The following SRSF7 variants were observed in gnomAD, a reference collection of about 807,000 sequenced individuals.
SRSF7 encodes the protein serine and arginine rich splicing factor 7, also known as serine/arginine-rich splicing factor 7.
Under a neutral mutation model 42.2 loss-of-function variants are expected in SRSF7, and 15 were observed. The observed-to-expected ratio is 0.36, with a 90% CI of 0.24 to 0.55. The LOEUF (loss-of-function observed/expected upper bound fraction) is 0.55. Among genes scored for constraint, SRSF7 ranks in the 20% least tolerant of loss-of-function variants. The pLI, the probability that SRSF7 is intolerant of heterozygous loss-of-function variation, is 0.88. For synonymous variants in SRSF7, 138 were observed against 107.9 expected (o/e 1.28, Z -1.73); for missense variants, 181 against 305.9 (o/e 0.59, Z 3.04).
chr2:38,747,665 G>GT (rs1383886110), intron 5 of SRSF7, among the ~76,000 whole-genome samples: 1 of 152,048 alleles, frequency 6.6e-6, no homozygotes, highest in Non-Finnish European at 1.5e-5. Flanking sequence ...AATGAGAAAT[G>GT]TTTCTACTTG....
At chr2:38,745,219 T>G (rs1667187215) in intron 7 of SRSF7, 32 bp from the exon 8 acceptor site, 1 of 1,611,430 alleles carries the variant, frequency 6.2e-7, no homozygotes, top group South Asian at 1.1e-5. Context: ...TTGGATCCAA[T>G]TAGTGTCAAT....
intron 3 of SRSF7, 121 bp from the exon 4 acceptor site, chr2:38,748,774 A>T: frequency 2.4e-6 from 3 of 1,271,568 alleles, no homozygotes; most frequent in Non-Finnish European, 1.1e-6. Context: ...TTTGGAAATA[A>T]ACTCTGGGCC....
intron 6 of SRSF7, among the ~76,000 whole-genome samples, 158 bp downstream of exon 6, chr2:38,746,536 G>C (rs1262322300): frequency 3.3e-5 from 5 of 152,190 alleles, no homozygotes; most frequent in Non-Finnish European, 5.9e-5. Flanking sequence ...GGGAAAGTCA[G>C]CCAGTAATAA....
At chr2:38,746,577 C>T in intron 6 of SRSF7, 117 bp downstream of exon 6, 1 of 1,451,130 alleles carries the variant, frequency 6.9e-7, no homozygotes, top group Non-Finnish European at 9.4e-7. Flanking sequence ...GTACTGTGTT[C>T]CCACTAAAAC....
upstream of SRSF7, chr2:38,751,399 C>T (rs1054343250): frequency 1.8e-6 from 2 of 1,113,108 alleles, no homozygotes; most frequent in Non-Finnish European, 2.6e-6. Context: ...TATGCGGCCG[C>T]TGCGCTTTGC....
At chr2:38,747,003 T>C in intron 5 of SRSF7, 1 of 653,212 alleles carries the variant, frequency 1.5e-6, no homozygotes. Flanking sequence ...CTGTGTAATA[T>C]CCAAGGGAAA....
intron 5 of SRSF7, among the ~76,000 whole-genome samples, chr2:38,747,749 T>G (rs1329680512): frequency 5.3e-5 from 8 of 152,186 alleles, no homozygotes; most frequent in Admixed American, 5.2e-4. Context: ...AGAGCTAGTA[T>G]CATCCAATCT....
Position 38,745,179 on chromosome 2 carries a change from G to A in SRSF7, c.671C>T (p.Pro224Leu). 6.2e-7 allele frequency: 1 copy of A among 1,614,080 alleles called. No homozygotes were observed. Among genetic ancestry groups the A allele is most frequent in the Non-Finnish European group, 8.5e-7 (1 of 1,179,974 alleles). Reference protein sequence around the residue: ...RSPSPKRSRSPSGSPRRSASP... With the variant: ...RSPSPKRSRSLSGSPRRSASP... The stretch of plus-strand genomic sequence containing the variant: ...TGCACTTCTGCGAGGACTTCCTGAT[G>A]GGGAACGACTAAAAAGAAAAACATT... Residue 224 changes from proline (P) to leucine (L), a missense_variant, in exon 8 of 8, where the codon CCA becomes CTA. Physicochemically the swap from Pro to Leu is moderately conservative, Grantham distance 98. This residue lies in a region of SRSF7 where 136 missense variants were observed against 147.8 expected (regional missense o/e 0.92). Transcript: ENST00000313117.
At chr2:38,747,492 C>T (rs982961919) in intron 5 of SRSF7, among the ~76,000 whole-genome samples, 1 of 151,570 alleles carries the variant, frequency 6.6e-6, no homozygotes, top group African/African-American at 2.4e-5. Flanking sequence ...CAATTTTTTC[C>T]ATTCTATCTC....
At chr2:38,749,163 A>T in intron 3 of SRSF7, 3 of 1,322,614 alleles carry the variant, frequency 2.3e-6, no homozygotes, top group Non-Finnish European at 3.0e-6. Context: ...CACCGTCTCA[A>T]ATTTTCTGCC....
chr2:38,746,967 C>T (rs982835658), intron 5 of SRSF7: 68 of 725,028 alleles, frequency 9.4e-5, no homozygotes, highest in Non-Finnish European at 1.6e-4. Flanking sequence ...TGGTTAGTTT[C>T]TGTACAGGTA....
At position 38,746,020 on chromosome 2, in the gene SRSF7, T is replaced by C. The variant is rs939239096; in HGVS notation, c.662+124A>G. On this transcript the variant is annotated intron_variant, in intron 7 of 7. Transcript: ENST00000313117. ...AAAAAAGTATTTCAGAAACTTAGCA[T>C]AGTATTTTAATCTATATAGCACCAA... The C allele has an allele frequency of 2.2e-5, 19 of 875,432 alleles. No homozygotes were observed. In the African/African-American group the frequency reaches 2.2e-4, roughly 10 times the overall value. The allele number at this position is 875,432 out of a possible 1,614,324, so 54.2% of individuals were successfully genotyped here. A position where few individuals can be genotyped will look rare whatever the true frequency, so the allele number is the denominator to read the frequency against.
intron 3 of SRSF7, 197 bp downstream of exon 3, chr2:38,749,332 C>T (rs1187872329): frequency 2.0e-6 from 3 of 1,524,402 alleles, no homozygotes; most frequent in Non-Finnish European, 2.7e-6. Context: ...AGGCGACTGA[C>T]TCAAACGAAG....
At chr2:38,749,815 C>T (rs537338273) in intron 2 of SRSF7, 110 bp from the exon 3 acceptor site, 82 of 1,332,824 alleles carry the variant, frequency 6.2e-5, no homozygotes, top group South Asian at 3.6e-4. Flanking sequence ...TCCTTCCCCC[C>T]CAACAAACTT....
intron 3 of SRSF7, chr2:38,748,880 T>C: frequency 1.4e-6 from 2 of 1,382,344 alleles, no homozygotes; most frequent in Non-Finnish European, 9.4e-7. Flanking sequence ...AACACTGTAA[T>C]GTGTATTTAA....
chr2:38,747,158 C>T (rs1667564889), intron 5 of SRSF7: 1 of 465,648 alleles, frequency 2.1e-6, no homozygotes, highest in South Asian at 1.6e-5. Flanking sequence ...TAACCAGACC[C>T]CTGAACTGAG....
intron 5 of SRSF7, among the ~76,000 whole-genome samples, chr2:38,747,740 G>C (rs1360368891): frequency 6.6e-6 from 1 of 152,116 alleles, no homozygotes; most frequent in African/African-American, 2.4e-5. Flanking sequence ...CCATCTTTCA[G>C]AGCTAGTATC....
In SRSF7 at chr2:38,748,240, G is replaced by A. The variant is rs142513005; in HGVS notation, c.462-83C>T. 548 of 1,019,094 alleles carry A rather than the reference G, an allele frequency of 5.4e-4. 2 individuals carry two copies. The Middle Eastern group carries it at 0.011, about 20-fold the overall frequency. The allele number at this position is 1,019,094 out of a possible 1,614,324, so 63.1% of individuals were successfully genotyped here. Reference sequence around the variant, plus strand: ...GACTTCAACTGGGGAACGGTGCAGTGGCTCATGCCCATAATCCCAGCACTG... The same window carrying A: ...GACTTCAACTGGGGAACGGTGCAGTAGCTCATGCCCATAATCCCAGCACTG... On this transcript the variant is annotated intron_variant, in intron 4 of 7. Coordinates refer to ENST00000313117, the MANE Select transcript of SRSF7 (RefSeq NM_001031684.3).
At chr2:38,746,501 CTA>C (rs1341608180) in intron 6 of SRSF7, among the ~76,000 whole-genome samples, 191 bp downstream of exon 6, 4 of 152,188 alleles carry the variant, frequency 2.6e-5, no homozygotes, top group African/African-American at 9.7e-5. Flanking sequence ...TTCTTTCTCA[CTA>C]TAGTTTTACA....
Sources: gnomAD v4.1 joint callset for allele counts (sites outside exome capture counted in the v4.1 genomes callset) on GRCh38, gnomAD v4.1.1 for gene constraint, gnomAD v4.1.1 regional missense constraint, MANE v1.5 for transcripts, NCBI Gene and HGNC (gene_info 2026-07-23, HGNC 2026-07-21) for gene names.